Variants in MDFIC2 observed in about 807,000 individuals in gnomAD.
The protein encoded by MDFIC2 is MyoD family inhibitor domain containing 2.
intron 2 of MDFIC2, among the ~76,000 whole-genome samples, chr3:70,255,425 A>AT (rs5849942): frequency 1.3e-5 from 2 of 151,634 alleles, no homozygotes; most frequent in Non-Finnish European, 2.9e-5. Context: ...TGATTCAGTA[A>AT]TTTTTTTTTC....
At chr3:70,269,451 G>A (rs1701954515) in intron 2 of MDFIC2, among the ~76,000 whole-genome samples, 1 of 152,164 alleles carries the variant, frequency 6.6e-6, no homozygotes, top group Non-Finnish European at 1.5e-5. Context: ...CCATGTTCAA[G>A]TAAGGCAAAT....
At chr3:70,255,124 T>C (rs1701802959) in intron 2 of MDFIC2, among the ~76,000 whole-genome samples, 1 of 152,224 alleles carries the variant, frequency 6.6e-6, no homozygotes, top group African/African-American at 2.4e-5. Flanking sequence ...AGTGAACTAG[T>C]GGAATTCTTA....
At chr3:70,218,807 T>C (rs902465689) in intron 2 of MDFIC2, among the ~76,000 whole-genome samples, 4 of 152,198 alleles carry the variant, frequency 2.6e-5, no homozygotes, top group African/African-American at 9.6e-5. Context: ...GTGCATTGAC[T>C]GTGCTTGGCG....
rs962492839 is a variant in MDFIC2, at chr3:70,208,059, C to T, written c.89-1269G>A. 9.9e-5 allele frequency among the ~76,000 whole-genome samples: 15 copies of T among 152,098 alleles called. No individual in the cohort carries two copies. In the East Asian group the frequency reaches 2.9e-3, roughly 29 times the overall value. On this transcript the variant is annotated intron_variant, in intron 2 of 3. Coordinates refer to ENST00000567252, the MANE Select transcript of MDFIC2 (RefSeq NM_001364677.1). ...GATTGAGAAGTGTATAAAAGAGAAG[C>T]ATATCATAAAATCATGTTAGAGAGA...
intron 3 of MDFIC2, 53 bp downstream of exon 3, chr3:70,206,516 G>T (rs573517051): frequency 3.5e-5 from 14 of 396,880 alleles, no homozygotes; most frequent in Non-Finnish European, 4.9e-5. Flanking sequence ...ATTTTACAGG[G>T]GATGGGGGTT....
chr3:70,308,349 G>T (rs1012182495), intron 2 of MDFIC2, among the ~76,000 whole-genome samples: 3 of 152,004 alleles, frequency 2.0e-5, no homozygotes, highest in Non-Finnish European at 4.4e-5. Flanking sequence ...GAGTCACTAT[G>T]CTGAGCAATG....
At chr3:70,210,550 T>G (rs955427626) in intron 2 of MDFIC2, among the ~76,000 whole-genome samples, 11 of 152,106 alleles carry the variant, frequency 7.2e-5, no homozygotes, top group Non-Finnish European at 7.4e-5. Context: ...ATTGTATTAT[T>G]CGACATTGCA....
intron 2 of MDFIC2, among the ~76,000 whole-genome samples, chr3:70,300,503 T>G (rs1702336919): frequency 6.6e-6 from 1 of 152,004 alleles, no homozygotes; most frequent in African/African-American, 2.4e-5. Context: ...AGCAATGTAG[T>G]TATATACATA....
intron 2 of MDFIC2, among the ~76,000 whole-genome samples, chr3:70,279,699 C>A (rs1321253647): frequency 1.3e-5 from 2 of 152,156 alleles, no homozygotes; most frequent in African/African-American, 4.8e-5. Context: ...CAAACACACA[C>A]CCTGGGGTGT....
intron 2 of MDFIC2, among the ~76,000 whole-genome samples, chr3:70,308,398 C>T (rs956125853): frequency 1.3e-5 from 2 of 152,098 alleles, no homozygotes; most frequent in Non-Finnish European, 1.5e-5. Flanking sequence ...ATCCGATTAT[C>T]TTAAAAGAGG....
intron 2 of MDFIC2, among the ~76,000 whole-genome samples, chr3:70,268,675 C>T (rs555122900): frequency 1.8e-4 from 27 of 152,174 alleles, no homozygotes; most frequent in Admixed American, 1.1e-3. Context: ...ATTCTCTCTT[C>T]TTTTGTTTTT....
chr3:70,287,420 G>C (rs1294625385), intron 2 of MDFIC2, among the ~76,000 whole-genome samples: 2 of 151,580 alleles, frequency 1.3e-5, no homozygotes, highest in African/African-American at 4.9e-5. Context: ...ACTTGATCAT[G>C]GTGGATAAAC....
intron 2 of MDFIC2, among the ~76,000 whole-genome samples, chr3:70,250,506 C>A (rs1280104117): frequency 6.6e-6 from 1 of 151,700 alleles, no homozygotes; most frequent in Non-Finnish European, 1.5e-5. Flanking sequence ...CAGGACATTT[C>A]TTTGAGCTTT....
At chr3:70,279,328 A>T (rs574667285) in intron 2 of MDFIC2, among the ~76,000 whole-genome samples, 33 of 152,212 alleles carry the variant, frequency 2.2e-4, no homozygotes, top group African/African-American at 7.7e-4. Context: ...GGAGTGGGTG[A>T]TACAGCTAAG....
intron 2 of MDFIC2, among the ~76,000 whole-genome samples, chr3:70,303,794 G>C (rs1410448888): frequency 6.6e-6 from 1 of 152,048 alleles, no homozygotes; most frequent in African/African-American, 2.4e-5. Context: ...AGATTCTCTT[G>C]CCTCAGCTTC....
At chr3:70,229,304 T>C (rs1340679273) in intron 2 of MDFIC2, among the ~76,000 whole-genome samples, 3 of 152,196 alleles carry the variant, frequency 2.0e-5, no homozygotes, top group African/African-American at 7.2e-5. Context: ...TGTCAGTGCC[T>C]ATATTAGGAA....
intron 2 of MDFIC2, among the ~76,000 whole-genome samples, chr3:70,247,638 C>G (rs932562254): frequency 6.6e-6 from 1 of 151,774 alleles, no homozygotes. Context: ...GAATTTATGA[C>G]TCTAATAGCA....
intron 2 of MDFIC2, among the ~76,000 whole-genome samples, chr3:70,287,780 G>C (rs1190464902): frequency 6.6e-6 from 1 of 151,082 alleles, no homozygotes. Context: ...TCCTGGTTTA[G>C]TCTTGGGAGA....
At chr3:70,252,552 C>A (rs1376633624) in intron 2 of MDFIC2, among the ~76,000 whole-genome samples, 2 of 152,046 alleles carry the variant, frequency 1.3e-5, no homozygotes, top group Admixed American at 6.6e-5. Context: ...GCTAGGCAAA[C>A]AATATAAATC....
Sources: allele counts gnomAD v4.1 joint callset (sites outside exome capture counted in the v4.1 genomes callset), GRCh38; gene constraint gnomAD v4.1.1; transcripts MANE v1.5; gene names NCBI Gene and HGNC (gene_info 2026-07-23, HGNC 2026-07-21).